The following SOX6 variants were observed in gnomAD, a reference collection of about 807,000 sequenced individuals.
SOX6 encodes SRY-box transcription factor 6, also known as transcription factor SOX-6.
In SOX6, 11 loss-of-function variants were observed where a neutral mutation model predicts 97.8. That is an observed-to-expected ratio of 0.11 (90% CI 0.07 to 0.19). SOX6 has a LOEUF of 0.19. Ranked by LOEUF, SOX6 falls within the 10% of genes least tolerant of loss-of-function variation. SOX6 has a pLI of 1.00. For missense variants in SOX6, 810 were observed against 1,039.5 expected (o/e 0.78, Z 3.04); for synonymous variants, 360 against 371.4 (o/e 0.97, Z 0.35).
In SOX6 at chr11:16,019,659, G is replaced by C. The variant is rs1041811441; in HGVS notation, c.1624-4609C>G. Among the ~76,000 whole-genome samples, 9 of 152,014 alleles carry C rather than the reference G, an allele frequency of 5.9e-5. No homozygotes were observed. The East Asian group carries it at 1.7e-3, about 30-fold the overall frequency. On this transcript the variant is annotated intron_variant, in intron 12 of 15. Transcript: ENST00000683767. ...TTTAGAAACACCTAATTTCTACATG[G>C]GGATTCTGGTATGATTCTTTCTTAG...
At chr11:16,249,137 T>C (rs544632716) in intron 3 of SOX6, among the ~76,000 whole-genome samples, 6 of 152,122 alleles carry the variant, frequency 3.9e-5, no homozygotes, top group African/African-American at 1.4e-4. Flanking sequence ...TGACTCCTTG[T>C]TACTTATGCA....
At chr11:16,244,492 T>C (rs1411689804) in intron 3 of SOX6, among the ~76,000 whole-genome samples, 3 of 151,796 alleles carry the variant, frequency 2.0e-5, no homozygotes, top group African/African-American at 7.2e-5. Flanking sequence ...GGATTCTCTC[T>C]ATGAAATTTT....
intron 4 of SOX6, among the ~76,000 whole-genome samples, chr11:16,588,187 T>C (rs1344224931): frequency 6.6e-6 from 1 of 152,188 alleles, no homozygotes; most frequent in Non-Finnish European, 1.5e-5. Flanking sequence ...GTGGACATGG[T>C]GCTTGAAAGT....
In SOX6 at chr11:16,046,647, A is replaced by G. The variant is rs753738772; in HGVS notation, c.1490T>C (p.Met497Thr). Residue 497 changes from methionine (M) to threonine (T), a missense_variant, in exon 12 of 16, where the codon ATG becomes ACG. By Grantham distance (81) the Met-to-Thr change is moderately conservative. Coordinates refer to ENST00000683767, the MANE Select transcript of SOX6 (RefSeq NM_001367873.1). ...PALFGDQDTV[M>T]KAIQEARKMR... Reference sequence around the variant, plus strand: ...CTTCCGCGCCTCCTGAATGGCTTTCATCACTGTATCCTGATCCCCAAAAAG... The same window carrying G: ...CTTCCGCGCCTCCTGAATGGCTTTCGTCACTGTATCCTGATCCCCAAAAAG... 2 of 1,613,764 alleles carry G rather than the reference A, an allele frequency of 1.2e-6. No individual in the cohort carries two copies. Among genetic ancestry groups the G allele is most frequent in the South Asian group, 1.1e-5 (1 of 91,080 alleles).
At chr11:16,722,609 C>G (rs1049230808) in intron 2 of SOX6, among the ~76,000 whole-genome samples, 1 of 152,010 alleles carries the variant, frequency 6.6e-6, no homozygotes, top group Non-Finnish European at 1.5e-5. Context: ...CAAGATCACA[C>G]CACTGCACTC....
chr11:16,209,871 T>G (rs1233714025), intron 4 of SOX6, among the ~76,000 whole-genome samples: 2 of 152,216 alleles, frequency 1.3e-5, no homozygotes, highest in African/African-American at 4.8e-5. Flanking sequence ...CAATACTTAC[T>G]AGGCTTTTCA....
chr11:16,514,124 G>A (rs993543949), intron 4 of SOX6, among the ~76,000 whole-genome samples: 2 of 150,618 alleles, frequency 1.3e-5, no homozygotes, highest in Non-Finnish European at 1.5e-5. Context: ...GCTGAGGTGA[G>A]AGAATCGCTT....
intron 9 of SOX6, among the ~76,000 whole-genome samples, chr11:16,061,480 A>G (rs1312852318): frequency 1.3e-5 from 2 of 151,802 alleles, no homozygotes; most frequent in African/African-American, 4.8e-5. Context: ...CAAAGAATTT[A>G]GAGATTCAAT....
chr11:16,730,864 GAAGAA>G (rs1359763103), intron 2 of SOX6, among the ~76,000 whole-genome samples: 1 of 151,964 alleles, frequency 6.6e-6, no homozygotes, highest in African/African-American at 2.4e-5. Context: ...GACTAATAAA[GAAGAA>G]AAGAGAGAAG....
chr11:16,597,060 C>A (rs1365250666), intron 4 of SOX6, among the ~76,000 whole-genome samples: 1 of 152,030 alleles, frequency 6.6e-6, no homozygotes, highest in African/African-American at 2.4e-5. Flanking sequence ...TATCCTGAAG[C>A]AAAACCCAAT....
At chr11:16,484,913 T>C (rs1432467133) in intron 4 of SOX6, among the ~76,000 whole-genome samples, 1 of 152,186 alleles carries the variant, frequency 6.6e-6, no homozygotes, top group Non-Finnish European at 1.5e-5. Flanking sequence ...GGCCCCACTC[T>C]AGACCTCCTA....
chr11:16,113,646 C>T (rs893091582), intron 6 of SOX6, among the ~76,000 whole-genome samples: 2 of 152,132 alleles, frequency 1.3e-5, no homozygotes, highest in African/African-American at 2.4e-5. Context: ...GAAATAATTT[C>T]ATTTGCCTCC....
intron 4 of SOX6, among the ~76,000 whole-genome samples, chr11:16,202,342 T>C (rs940654337): frequency 1.3e-5 from 2 of 152,266 alleles, no homozygotes; most frequent in Non-Finnish European, 1.5e-5. Flanking sequence ...ATGTCCTGTG[T>C]AGCATAAAAA....
At chr11:16,439,269 C>A (rs1465707386) in intron 1 of SOX6, among the ~76,000 whole-genome samples, 6 of 152,086 alleles carry the variant, frequency 3.9e-5, no homozygotes, top group South Asian at 4.1e-4. Context: ...AAACAGAGAG[C>A]CTTAATTACA....
chr11:16,544,519 C>T (rs1456577009), intron 4 of SOX6, among the ~76,000 whole-genome samples: 1 of 152,088 alleles, frequency 6.6e-6, no homozygotes, highest in African/African-American at 2.4e-5. Flanking sequence ...CTCAGCCTCC[C>T]AAAGTGCTGG....
chr11:16,719,918 A>G (rs1467997461), intron 2 of SOX6, among the ~76,000 whole-genome samples: 1 of 152,192 alleles, frequency 6.6e-6, no homozygotes. Flanking sequence ...AAAACAAAAA[A>G]CAAACAAACA....
chr11:16,704,849 G>A (rs1324663203), intron 3 of SOX6, among the ~76,000 whole-genome samples: 1 of 152,064 alleles, frequency 6.6e-6, no homozygotes, highest in African/African-American at 2.4e-5. Flanking sequence ...GTTTTGAAAG[G>A]GAAAGAAAAT....
intron 12 of SOX6, among the ~76,000 whole-genome samples, chr11:16,015,785 C>T (rs1854865528): frequency 6.6e-6 from 1 of 151,976 alleles, no homozygotes; most frequent in Non-Finnish European, 1.5e-5. Flanking sequence ...CATTGACCAT[C>T]ATTAATATGG....
chr11:16,127,663 A>G (rs1159665166), intron 6 of SOX6, among the ~76,000 whole-genome samples: 2 of 152,164 alleles, frequency 1.3e-5, no homozygotes, highest in Non-Finnish European at 2.9e-5. Context: ...AATCATCATC[A>G]TAAAACTGGA....
Sources: gnomAD v4.1 joint callset for allele counts (sites outside exome capture counted in the v4.1 genomes callset) on GRCh38, gnomAD v4.1.1 for gene constraint, MANE v1.5 for transcripts, NCBI Gene and HGNC (gene_info 2026-07-23, HGNC 2026-07-21) for gene names.